Variants in CMTM4 observed in about 807,000 individuals in gnomAD.
The protein encoded by CMTM4 is CKLF-like MARVEL transmembrane domain-containing protein 4.
A neutral mutation model predicts 19.0 loss-of-function variants in CMTM4; 8 were observed. That is an observed-to-expected ratio of 0.42 (90% CI 0.25 to 0.76). CMTM4 has a LOEUF of 0.76. Ranked by LOEUF, CMTM4 falls within the 30% of genes least tolerant of loss-of-function variation. CMTM4 has a pLI of 0.27. For synonymous variants in CMTM4, 106 were observed against 121.1 expected (o/e 0.88, Z 0.82); for missense variants, 228 against 290.2 (o/e 0.79, Z 1.56).
At chr16:66,639,656 G>A (rs2016063629) in intron 1 of CMTM4, among the ~76,000 whole-genome samples, 3 of 152,270 alleles carry the variant, frequency 2.0e-5, no homozygotes, top group Admixed American at 2.0e-4. Flanking sequence ...GTTGAGGCGG[G>A]TGGATTGCTT....
At chr16:66,651,013 G>GA (rs1875446927) in intron 1 of CMTM4, among the ~76,000 whole-genome samples, 1 of 152,100 alleles carries the variant, frequency 6.6e-6, no homozygotes, top group Non-Finnish European at 1.5e-5. Context: ...TGCCAATACT[G>GA]AAAAAATATC....
the CMTM4 span, among the ~76,000 whole-genome samples, chr16:66,602,523 T>C: frequency 6.6e-6 from 1 of 152,308 alleles, no homozygotes; most frequent in South Asian, 2.1e-4. Flanking sequence ...GGAGCCAATT[T>C]GCTTCTTCTT....
chr16:66,606,732 C>T, the CMTM4 span, among the ~76,000 whole-genome samples: 2 of 152,192 alleles, frequency 1.3e-5, no homozygotes, highest in Non-Finnish European at 2.9e-5. Context: ...GTGGCTCATG[C>T]CTGTAATCCC....
At chr16:66,686,186 G>A (rs1259230652) in intron 1 of CMTM4, among the ~76,000 whole-genome samples, 1 of 151,844 alleles carries the variant, frequency 6.6e-6, no homozygotes, top group Admixed American at 6.6e-5. Flanking sequence ...TCCAGGAGGT[G>A]GAGGTTGCAG....
At chr16:66,667,774 A>T (rs2016626222) in intron 1 of CMTM4, among the ~76,000 whole-genome samples, 3 of 152,090 alleles carry the variant, frequency 2.0e-5, no homozygotes, top group Admixed American at 2.0e-4. Context: ...CTGTAATCCC[A>T]GCTATTTAGG....
chr16:66,652,082 G>A (rs563173679), intron 1 of CMTM4, among the ~76,000 whole-genome samples: 7 of 152,326 alleles, frequency 4.6e-5, no homozygotes, highest in African/African-American at 1.7e-4. Context: ...CACCTGGGCT[G>A]GCCAGCAGGA....
downstream of CMTM4, chr16:66,610,129 C>T (rs2015321858): frequency 1.6e-6 from 2 of 1,248,274 alleles, no homozygotes; most frequent in East Asian, 2.3e-5. The surrounding 1 kb of genome is among the most constrained non-coding windows in gnomAD (Gnocchi z 4.6). Flanking sequence ...AGTGTTTTCA[C>T]AGCCCATTCT....
chr16:66,632,259 A>T (rs1275248834), intron 2 of CMTM4, among the ~76,000 whole-genome samples: 1 of 152,232 alleles, frequency 6.6e-6, no homozygotes, highest in Non-Finnish European at 1.5e-5. Context: ...CAGAGGATCT[A>T]GGAACACGGA....
chr16:66,688,675 C>T (rs1567434888), intron 1 of CMTM4, among the ~76,000 whole-genome samples: 1 of 152,070 alleles, frequency 6.6e-6, no homozygotes, highest in African/African-American at 2.4e-5. Context: ...CTTCTATCTA[C>T]AAAAAAACCT....
intron 1 of CMTM4, among the ~76,000 whole-genome samples, chr16:66,692,313 C>A (rs2017150096): frequency 1.3e-5 from 2 of 152,158 alleles, no homozygotes; most frequent in African/African-American, 4.8e-5. Flanking sequence ...TAGTCTTGAA[C>A]TCCTGACCTC....
chr16:66,614,740 GACA>G (rs1195424264), downstream of CMTM4: 2 of 152,328 alleles, frequency 1.3e-5, no homozygotes, highest in Non-Finnish European at 2.9e-5. This position sits in a 1 kb window ranked among gnomAD's most constrained non-coding sequence, Gnocchi z 4.9. Context: ...AGTGAGGAGA[GACA>G]ACGACATCCT....
At chr16:66,600,049 G>A in the CMTM4 span, among the ~76,000 whole-genome samples, 2 of 150,810 alleles carry the variant, frequency 1.3e-5, no homozygotes, top group African/African-American at 2.4e-5. Context: ...CAAATCTTTG[G>A]CCCATTAAAA....
chr16:66,664,405 GT>G (rs1401815463), intron 1 of CMTM4, among the ~76,000 whole-genome samples: 1 of 152,000 alleles, frequency 6.6e-6, no homozygotes, highest in Non-Finnish European at 1.5e-5. Context: ...AAAAACCTCG[GT>G]AAACATAATA....
At chr16:66,640,697 C>T (rs2016084158) in intron 1 of CMTM4, among the ~76,000 whole-genome samples, 1 of 152,162 alleles carries the variant, frequency 6.6e-6, no homozygotes, top group South Asian at 2.1e-4. Flanking sequence ...GACCTATTAC[C>T]TTGCAGAAAT....
intron 2 of CMTM4, among the ~76,000 whole-genome samples, chr16:66,632,176 A>G (rs537572850): frequency 2.6e-4 from 40 of 152,344 alleles, no homozygotes; most frequent in African/African-American, 8.9e-4. Context: ...GTGAGAGAGT[A>G]TGGCAGGAAG....
chr16:66,638,208 A>AG (rs2016032981), intron 1 of CMTM4, among the ~76,000 whole-genome samples: 1 of 152,114 alleles, frequency 6.6e-6, no homozygotes, highest in African/African-American at 2.4e-5. Flanking sequence ...CGGAGCTTTT[A>AG]GGGGGCAGGG....
intron 1 of CMTM4, among the ~76,000 whole-genome samples, chr16:66,649,931 G>T (rs2016279368): frequency 6.6e-6 from 1 of 152,172 alleles, no homozygotes; most frequent in African/African-American, 2.4e-5. Context: ...TGTGGCACTT[G>T]GAGACTCTCT....
At chr16:66,676,496 A>T (rs1052467743) in intron 1 of CMTM4, among the ~76,000 whole-genome samples, 2 of 151,966 alleles carry the variant, frequency 1.3e-5, no homozygotes, top group African/African-American at 4.8e-5. Flanking sequence ...CCACCAAACA[A>T]CGGGGTAGCT....
chr16:66,691,117 TA>T (rs943481251), intron 1 of CMTM4, among the ~76,000 whole-genome samples: 20 of 150,438 alleles, frequency 1.3e-4, no homozygotes, highest in African/African-American at 2.2e-4. Context: ...AAATCTGTCT[TA>T]AAAAAAAAAT....
Sources: gnomAD v4.1 joint callset for allele counts (sites outside exome capture counted in the v4.1 genomes callset) on GRCh38, gnomAD v4.1.1 for gene constraint, Gnocchi (gnomAD v3.1) non-coding constraint, MANE v1.5 for transcripts, NCBI Gene and HGNC (gene_info 2026-07-23, HGNC 2026-07-21) for gene names.